The following PECAM1 variants were observed in gnomAD, a reference collection of about 807,000 sequenced individuals.
PECAM1 encodes platelet and endothelial cell adhesion molecule 1.
Under a neutral mutation model 13.8 loss-of-function variants are expected in PECAM1, and 8 were observed. That is an observed-to-expected ratio of 0.58 (90% CI 0.34 to 1.05). The LOEUF is 1.05. PECAM1 is among the 50% of genes least tolerant of loss of function. The pLI is 0.03. For missense variants in PECAM1, 304 were observed against 141.2 expected (o/e 2.15, Z -5.84); for synonymous variants, 136 against 52.6 (o/e 2.58, Z -6.86).
chr17:64,321,910 G>C lies in PECAM1; in HGVS notation c.*1906C>G. The stretch of plus-strand genomic sequence containing the variant: ...CTCCCTGGACACAGGGGATCTGGCT[G>C]TCCCCAGATCATCAACAGAGACATG... On this transcript the variant is annotated 3_prime_UTR_variant, in exon 16 of 16. Transcript: ENST00000563924. 7.4e-7 allele frequency: 1 copy of C among 1,343,180 alleles called. No individual in the cohort carries two copies. The highest frequency in any genetic ancestry group is 9.9e-7 in the Non-Finnish European group (1 of 1,014,460). 83.2% of individuals were successfully genotyped at this position (1,343,180 alleles called of 1,614,324 possible).
At chr17:64,384,184 C>A (rs2036543705) in intron 2 of PECAM1, among the ~76,000 whole-genome samples, 1 of 152,124 alleles carries the variant, frequency 6.6e-6, no homozygotes, top group South Asian at 2.1e-4. Context: ...CTGGCAGGAA[C>A]ACCACATTCC....
chr17:64,356,290 T>C lies in PECAM1; in HGVS notation c.1601A>G (p.Tyr534Cys). 2 of 474,884 alleles carry C rather than the reference T, an allele frequency of 4.2e-6. No individual in the cohort carries two copies. Among genetic ancestry groups the C allele is most frequent in the Non-Finnish European group, 7.7e-6 (2 of 258,940 alleles). 29.4% of individuals were successfully genotyped at this position (474,884 alleles called of 1,614,324 possible). Reference protein sequence around the residue: ...AVNEGSGPITYKFYREKEGKP... With the variant: ...AVNEGSGPITCKFYREKEGKP... ...GCCCTCTTTTTCTCTGTAAAACTTA[T>C]AGGTGATGGGACCAGATCCTTCATT... Residue 534 changes from tyrosine to cysteine, a missense_variant, in exon 8 of 16, where the codon TAT (tyrosine) becomes TGT (cysteine). Coordinates refer to ENST00000563924, the MANE Select transcript of PECAM1 (RefSeq NM_000442.5).
chr17:64,347,560 T>TAA (rs2035604244), intron 13 of PECAM1, among the ~76,000 whole-genome samples: 28 of 137,642 alleles, frequency 2.0e-4, no homozygotes, highest in African/African-American at 7.5e-4. Flanking sequence ...TATATATATA[T>TAA]AAAATAAAAA....
Position 64,330,550 on chromosome 17 carries a change from C to T in PECAM1, c.2165-828G>A, listed in dbSNP as rs571741306. On this transcript the variant is annotated intron_variant, in intron 14 of 15. Transcript: ENST00000563924. ...ACTCGGGAGGCTGAGGCGGGAGAAT[C>T]GCTTGAACCTAGGAGGCAGAGGTTG... Among the ~76,000 whole-genome samples, 102 of 151,354 alleles carry T rather than the reference C, an allele frequency of 6.7e-4. 2 individuals are homozygous for T. The highest frequency in any genetic ancestry group is 3.4e-3 in the Middle Eastern group (1 of 294).
Position 64,336,222 on chromosome 17 carries a change from C to T in PECAM1, c.2164+5412G>A, listed in dbSNP as rs923952782. On this transcript the variant is annotated intron_variant, in intron 14 of 15. Transcript: ENST00000563924. ...TGGAGGTTGCAGTGAGCTGCGATCG[C>T]GCCACTGCACTCCAGCCTGGGTGAC... is the stretch of plus-strand genomic sequence containing the variant. Among the ~76,000 whole-genome samples the T allele has an allele frequency of 2.5e-4, 38 of 150,652 alleles. 1 individual carries two copies. The East Asian group carries it at 6.9e-3, about 27-fold the overall frequency.
intron 4 of PECAM1, among the ~76,000 whole-genome samples, chr17:64,372,324 A>G (rs2036259907): frequency 6.6e-6 from 1 of 152,220 alleles, no homozygotes; most frequent in African/African-American, 2.4e-5. Flanking sequence ...TACTGATGAA[A>G]ATGTTCAACC....
At chr17:64,387,561 A>G (rs1249086415) in intron 2 of PECAM1, among the ~76,000 whole-genome samples, 1 of 152,122 alleles carries the variant, frequency 6.6e-6, no homozygotes, top group Non-Finnish European at 1.5e-5. Context: ...GAATGCACGT[A>G]GGCGTGGGGT....
At chr17:64,353,372 G>T in intron 10 of PECAM1, 119 bp downstream of exon 10, 1 of 406,152 alleles carries the variant, frequency 2.5e-6, no homozygotes. Context: ...CCCAAGGAAG[G>T]CCTATATTTT....
At chr17:64,364,072 G>A (rs894301561) in intron 5 of PECAM1, among the ~76,000 whole-genome samples, 21 of 152,050 alleles carry the variant, frequency 1.4e-4, no homozygotes, top group African/African-American at 4.3e-4. Context: ...TTGATAGACC[G>A]CTAGCAAGCC....
chr17:64,359,605 A>G (rs1311028519), intron 7 of PECAM1, among the ~76,000 whole-genome samples: 3 of 152,118 alleles, frequency 2.0e-5, no homozygotes, highest in Non-Finnish European at 4.4e-5. Flanking sequence ...TGCTTATCAT[A>G]TTTTAGCAGT....
chr17:64,368,180 A>G (rs952588517), intron 5 of PECAM1, among the ~76,000 whole-genome samples: 1 of 152,204 alleles, frequency 6.6e-6, no homozygotes, highest in African/African-American at 2.4e-5. Flanking sequence ...ACAAATATGT[A>G]TTGAATTCCT....
At chr17:64,326,226 T>C (rs529262213) in intron 15 of PECAM1, among the ~76,000 whole-genome samples, 1 of 152,304 alleles carries the variant, frequency 6.6e-6, no homozygotes, top group Admixed American at 6.5e-5. Flanking sequence ...GGACCCTCCA[T>C]GTGCACAGGA....
chr17:64,334,123 A>AC (rs1953527368), intron 14 of PECAM1, among the ~76,000 whole-genome samples: 1 of 146,806 alleles, frequency 6.8e-6, no homozygotes, highest in African/African-American at 2.5e-5. Context: ...ACAACAATTA[A>AC]AAAAAAAAAA....
chr17:64,353,844 G>A (rs2035787162), intron 9 of PECAM1, among the ~76,000 whole-genome samples: 1 of 151,948 alleles, frequency 6.6e-6, no homozygotes, highest in African/African-American at 2.4e-5. Flanking sequence ...ATTTTAGCCA[G>A]AAGTGATTTT....
At chr17:64,387,807 G>A (rs2036630490) in intron 2 of PECAM1, among the ~76,000 whole-genome samples, 1 of 152,158 alleles carries the variant, frequency 6.6e-6, no homozygotes, top group South Asian at 2.1e-4. Context: ...AGTGAGGTGC[G>A]GGCTGGAGGG....
intron 14 of PECAM1, among the ~76,000 whole-genome samples, chr17:64,333,302 A>T (rs572992689): frequency 6.6e-6 from 1 of 152,274 alleles, no homozygotes; most frequent in South Asian, 2.1e-4. Context: ...ATCAGGTGGG[A>T]TGTGCCTTAA....
chr17:64,339,221 A>G (rs1475598486), intron 14 of PECAM1, among the ~76,000 whole-genome samples: 2 of 152,066 alleles, frequency 1.3e-5, no homozygotes, highest in African/African-American at 4.8e-5. Context: ...CAAACCGAAG[A>G]CAGTACACCT....
At chr17:64,344,384 G>A (rs2035511955) in intron 13 of PECAM1, among the ~76,000 whole-genome samples, 1 of 152,108 alleles carries the variant, frequency 6.6e-6, no homozygotes, top group African/African-American at 2.4e-5. Context: ...GTTTCCGGAT[G>A]GGGCTTTATT....
At chr17:64,346,230 C>T (rs8064584) in intron 13 of PECAM1, among the ~76,000 whole-genome samples, 5,886 of 152,060 alleles carry the variant, frequency 0.039, 380 homozygotes, top group African/African-American at 0.13. Context: ...TTCCTTTGAG[C>T]GTGCAGGAGC....
Sources: allele counts gnomAD v4.1 joint callset (sites outside exome capture counted in the v4.1 genomes callset), GRCh38; gene constraint gnomAD v4.1.1; transcripts MANE v1.5; gene names NCBI Gene and HGNC (gene_info 2026-07-23, HGNC 2026-07-21).